The following LURAP1L variants were observed in gnomAD, a reference collection of about 807,000 sequenced individuals.
LURAP1L encodes leucine rich adaptor protein 1 like.
Under a neutral mutation model 13.8 loss-of-function variants are expected in LURAP1L, and 12 were observed. That is an observed-to-expected ratio of 0.87 (90% CI 0.56 to 1.41). The LOEUF (loss-of-function observed/expected upper bound fraction) is 1.41, where lower values mean the gene tolerates loss of function less well. Among genes scored for constraint, LURAP1L ranks in the 40% most tolerant of loss-of-function variants. The pLI is 0.00. For synonymous variants in LURAP1L, 139 were observed against 119.2 expected (o/e 1.17, Z -1.08); for missense variants, 375 against 292.9 (o/e 1.28, Z -2.04).
chr9:12,798,607 T>A (rs1411413875), intron 1 of LURAP1L, among the ~76,000 whole-genome samples: 5 of 152,194 alleles, frequency 3.3e-5, no homozygotes, highest in Admixed American at 2.0e-4. Context: ...TTTATCACCC[T>A]CATTTGTGGT....
At chr9:12,796,059 A>G (rs957423362) in intron 1 of LURAP1L, among the ~76,000 whole-genome samples, 2 of 152,068 alleles carry the variant, frequency 1.3e-5, no homozygotes, top group Non-Finnish European at 2.9e-5. Context: ...TATCCTCTCA[A>G]TAAATTAATC....
At chr9:12,803,552 G>A (rs1819615701) in intron 1 of LURAP1L, among the ~76,000 whole-genome samples, 1 of 152,090 alleles carries the variant, frequency 6.6e-6, no homozygotes, top group African/African-American at 2.4e-5. Flanking sequence ...TATTTCTGCT[G>A]GAAAAGGATC....
At position 12,788,700 on chromosome 9, in the gene LURAP1L, G is replaced by A. The variant is rs192697022; in HGVS notation, c.312+12673G>A. Among the ~76,000 whole-genome samples, 4 of 152,064 alleles carry A rather than the reference G, an allele frequency of 2.6e-5. 1 individual carries two copies. Among genetic ancestry groups the A allele is most frequent in the South Asian group, 4.2e-4 (2 of 4,806 alleles). On this transcript the variant is annotated intron_variant, in intron 1 of 1. Coordinates refer to ENST00000319264, the MANE Select transcript of LURAP1L (RefSeq NM_203403.2). ...GTATAAAGCATAGAACAAAAAGCTC[G>A]AATGAAATACCCTATAATGTTAACA...
chr9:12,782,077 T>C (rs1210354607), intron 1 of LURAP1L, among the ~76,000 whole-genome samples: 1 of 152,220 alleles, frequency 6.6e-6, no homozygotes, highest in Non-Finnish European at 1.5e-5. Context: ...TCTATTCAGA[T>C]CTTTTGTCTA....
intron 1 of LURAP1L, among the ~76,000 whole-genome samples, chr9:12,814,013 TTTA>T (rs370934510): frequency 5.9e-5 from 9 of 152,188 alleles, no homozygotes; most frequent in African/African-American, 1.9e-4. Context: ...TGCTGTATAT[TTTA>T]TTATTATCTG....
rs1819158104 is a variant in LURAP1L at position 12,775,567 on chromosome 9, G to GC, written c.-148dup. On this transcript the variant is annotated 5_prime_UTR_variant, in exon 1 of 2. Coordinates refer to ENST00000319264, the MANE Select transcript of LURAP1L (RefSeq NM_203403.2). ...GGATTTCAGGGCTGATACCGCATAG[G>GC]CGGTTATGGAAAGGACGGTACACCG... The GC allele has an allele frequency of 7.6e-7, 1 of 1,313,452 alleles. No homozygotes were observed. Among genetic ancestry groups the GC allele is most frequent in the South Asian group, 1.7e-5 (1 of 58,524 alleles). The allele number at this position is 1,313,452 out of a possible 1,614,324, so 81.4% of individuals were successfully genotyped here. A position where few individuals can be genotyped will look rare whatever the true frequency, so the allele number is the denominator to read the frequency against.
chr9:12,794,689 C>T (rs1819488845), intron 1 of LURAP1L, among the ~76,000 whole-genome samples: 1 of 152,016 alleles, frequency 6.6e-6, no homozygotes, highest in South Asian at 2.1e-4. Context: ...ATTTCCAAAT[C>T]CTCACTCTTT....
At chr9:12,782,009 A>G (rs1158806831) in intron 1 of LURAP1L, among the ~76,000 whole-genome samples, 1 of 152,192 alleles carries the variant, frequency 6.6e-6, no homozygotes, top group South Asian at 2.1e-4. Context: ...CTGGTGATCA[A>G]TTATGTTGAG....
At chr9:12,778,135 T>C (rs1819217424) in intron 1 of LURAP1L, among the ~76,000 whole-genome samples, 1 of 152,182 alleles carries the variant, frequency 6.6e-6, no homozygotes, top group Admixed American at 6.5e-5. Context: ...GATGGTCCTC[T>C]GGTCTGGTGG....
chr9:12,777,218 G>A (rs1015494576), intron 1 of LURAP1L: 10 of 985,014 alleles, frequency 1.0e-5, no homozygotes, highest in Non-Finnish European at 1.2e-5. Flanking sequence ...AAAATTTAAG[G>A]ACAACCCTTA....
Position 12,788,187 on chromosome 9 carries a change from GAAAGA to G in LURAP1L, c.312+12180_312+12184del, listed in dbSNP as rs71489589. On this transcript the variant is annotated intron_variant, in intron 1 of 1. Transcript: ENST00000319264. ...AGAAAGAAAGAAAGAAAGAAAGAAA[GAAAGA>G]AAAGAAAAGAAAAGAAAAGCTCAAT... 2.3e-4 allele frequency among the ~76,000 whole-genome samples: 31 copies of G among 136,590 alleles called. 1 individual carries two copies. Among genetic ancestry groups the G allele is most frequent in the Non-Finnish European group, 3.4e-4 (22 of 64,582 alleles). The allele number at this position is 136,590 out of a possible 152,430, so 89.6% of individuals were successfully genotyped here.
intron 1 of LURAP1L, among the ~76,000 whole-genome samples, chr9:12,816,920 G>T (rs1819812007): frequency 6.6e-6 from 1 of 152,124 alleles, no homozygotes; most frequent in Admixed American, 6.6e-5. Context: ...TGTCGTTGTT[G>T]TTTTTTGGTA....
chr9:12,797,086 C>T (rs1306840303), intron 1 of LURAP1L, among the ~76,000 whole-genome samples: 1 of 151,894 alleles, frequency 6.6e-6, no homozygotes, highest in African/African-American at 2.4e-5. Flanking sequence ...CATGGGATTA[C>T]CAAACAAAAG....
intron 1 of LURAP1L, among the ~76,000 whole-genome samples, chr9:12,815,024 G>C (rs998407141): frequency 6.6e-6 from 1 of 152,186 alleles, no homozygotes; most frequent in African/African-American, 2.4e-5. Flanking sequence ...TTCACCTGAA[G>C]CATTCCAAAC....
At chr9:12,817,164 G>A (rs1438927938) in intron 1 of LURAP1L, among the ~76,000 whole-genome samples, 1 of 152,182 alleles carries the variant, frequency 6.6e-6, no homozygotes, top group Admixed American at 6.5e-5. Context: ...AGGAATAGAA[G>A]GCATTATCTG....
chr9:12,793,484 A>G (rs988235321), intron 1 of LURAP1L, among the ~76,000 whole-genome samples: 3 of 152,154 alleles, frequency 2.0e-5, no homozygotes, highest in Non-Finnish European at 4.4e-5. Context: ...TTGGTTACTC[A>G]ACAGCCGTGT....
intron 1 of LURAP1L, chr9:12,777,748 A>G (rs1436240040): frequency 5.0e-6 from 1 of 201,774 alleles, no homozygotes; most frequent in African/African-American, 2.4e-5. Flanking sequence ...TGTGAAGATC[A>G]TTTTCTGACA....
chr9:12,784,271 T>C (rs1408128896), intron 1 of LURAP1L, among the ~76,000 whole-genome samples: 2 of 152,178 alleles, frequency 1.3e-5, no homozygotes, highest in East Asian at 3.9e-4. Context: ...CATCAATGTC[T>C]GGGTGTTGAC....
intron 1 of LURAP1L, among the ~76,000 whole-genome samples, chr9:12,782,886 A>G (rs1219331094): frequency 6.6e-6 from 1 of 152,048 alleles, no homozygotes; most frequent in Non-Finnish European, 1.5e-5. Context: ...TGTCTTATTC[A>G]ATTTCTTGCA....
Sources: allele counts gnomAD v4.1 joint callset (sites outside exome capture counted in the v4.1 genomes callset), GRCh38; gene constraint gnomAD v4.1.1; transcripts MANE v1.5; gene names NCBI Gene and HGNC (gene_info 2026-07-23, HGNC 2026-07-21).